The following HLX variants were observed in gnomAD, a reference collection of about 807,000 sequenced individuals.
HLX encodes H2.0-like homeobox protein.
A neutral mutation model predicts 27.7 loss-of-function variants in HLX; 6 were observed. That is an observed-to-expected ratio of 0.22 (90% confidence interval 0.12 to 0.43). The LOEUF (loss-of-function observed/expected upper bound fraction) is 0.43, where lower values mean the gene tolerates loss of function less well. Ranked by LOEUF, HLX falls within the 20% of genes least tolerant of loss-of-function variation. HLX has a pLI of 1.00. For missense variants in HLX, 666 were observed against 655.2 expected (o/e 1.02, Z -0.18); for synonymous variants, 328 against 293.8 (o/e 1.12, Z -1.19).
At position 220,879,820 on chromosome 1, in the gene HLX, G is replaced by C. The variant is rs754595392; in HGVS notation, c.-38G>C. The stretch of plus-strand genomic sequence containing the variant: ...CCCCGCGCGCCCACCCACCCAGTCC[G>C]GCTGGACTGCGGCAGCCGCGCGGCT... On this transcript the variant is annotated 5_prime_UTR_variant, in exon 1 of 4. Coordinates refer to ENST00000366903, the MANE Select transcript of HLX (RefSeq NM_021958.4). 8 of 1,536,796 alleles carry C rather than the reference G, an allele frequency of 5.2e-6. No individual in the cohort carries two copies. The highest frequency in any genetic ancestry group is 1.2e-5 in the South Asian group (1 of 84,418).
Position 220,880,411 on chromosome 1 carries a change from A to G in HLX, c.554A>G (p.Glu185Gly). ...KFGIDRILSAEFDPKVKEGNT... is the reference protein window; with the variant it reads ...KFGIDRILSAGFDPKVKEGNT... ...GGAATTGACCGCATTTTATCTGCAG[A>G]ATTTGACCCAAAAGTCAAAGAAGGC... The change falls in exon 1 of 4, where the codon GAA (glutamate) becomes GGA (glycine). Residue 185 changes from glutamate (E) to glycine (G), a missense_variant. Transcript: ENST00000366903. 3.7e-6 allele frequency: 6 copies of G among 1,614,042 alleles called. No homozygotes were observed. The highest frequency in any genetic ancestry group is 5.1e-6 in the Non-Finnish European group (6 of 1,180,038).
chr1:220,880,513 G>T (rs1224053700), intron 1 of HLX, 64 bp downstream of exon 1: 3 of 1,567,492 alleles, frequency 1.9e-6, no homozygotes, highest in Non-Finnish European at 2.6e-6. Context: ...CCCCGGGCTG[G>T]CTTGGGGTGC....
chr1:220,881,367 T>C lies in HLX; in HGVS notation c.766T>C (p.Phe256Leu), dbSNP rs1674433840. The part of the protein sequence containing the change: ...NSVQHQFQDT[F>L]PGPYAVLTKD... ...AGTTCAGCATCAGTTCCAAGACACGTTTCCAGGTACGGAAAAACTCCAGAG... is the reference window on the plus strand; with the variant it reads ...AGTTCAGCATCAGTTCCAAGACACGCTTCCAGGTACGGAAAAACTCCAGAG... Residue 256 changes from phenylalanine to leucine, a missense_variant, in exon 2 of 4, where the codon TTT becomes CTT. By Grantham distance (22) the Phe-to-Leu change is conservative (BLOSUM62 0). Transcript: ENST00000366903. 1.9e-6 allele frequency: 3 copies of C among 1,613,882 alleles called. No homozygotes were observed. In the South Asian group the frequency reaches 3.3e-5, roughly 18 times the overall value.
intron 2 of HLX, chr1:220,881,812 A>G (rs1674452344): frequency 5.2e-6 from 2 of 387,216 alleles, no homozygotes; most frequent in Admixed American, 3.8e-5. Flanking sequence ...ACACACACAC[A>G]CGAGATAATT....
At position 220,879,487 on chromosome 1, in the gene HLX, T is replaced by G; in HGVS notation, c.-371T>G. The G allele has an allele frequency of 7.8e-6, 2 of 257,542 alleles. No homozygotes were observed. Among genetic ancestry groups the G allele is most frequent in the Non-Finnish European group, 7.4e-6 (1 of 135,206 alleles). 16.0% of individuals were successfully genotyped at this position (257,542 alleles called of 1,614,324 possible). ...AACTAACGGACTATTATTGTTGTTG[T>G]TTTAAATTTAGCTCTTAGGGCTTAG... On this transcript the variant is annotated 5_prime_UTR_variant, in exon 1 of 4. Coordinates refer to ENST00000366903, the MANE Select transcript of HLX (RefSeq NM_021958.4).
chr1:220,884,937 C>T lies in HLX; in HGVS notation c.*233C>T. On this transcript the variant is annotated 3_prime_UTR_variant, in exon 4 of 4. Transcript: ENST00000366903. The surrounding 1 kb of genome is among the most constrained non-coding windows in gnomAD (Gnocchi z 4.9). The stretch of plus-strand genomic sequence containing the variant: ...CCAGCCGAACACTTCTCTCCGGAAG[C>T]AGGCTGGTTCGACTGTGAGGTGTTT... 1.5e-6 allele frequency: 1 copy of T among 655,394 alleles called. No individual in the cohort carries two copies. The highest frequency in any genetic ancestry group is 2.5e-6 in the Non-Finnish European group (1 of 394,252). 40.6% of individuals were successfully genotyped at this position (655,394 alleles called of 1,614,324 possible). A position where few individuals can be genotyped will look rare whatever the true frequency, so the allele number is the denominator to read the frequency against.
intron 3 of HLX, chr1:220,883,091 A>AC (rs1047123790): frequency 6.6e-5 from 9 of 137,364 alleles, no homozygotes; most frequent in African/African-American, 2.5e-4. Context: ...GGGCTTCCCC[A>AC]CCCCCCACCA....
At chr1:220,881,418 ACAGT>A in intron 2 of HLX, 45 bp downstream of exon 2, 1 of 1,535,024 alleles carries the variant, frequency 6.5e-7, no homozygotes, top group African/African-American at 1.4e-5. Context: ...GAGCCGACTA[ACAGT>A]CAGAAATCTC....
intron 1 of HLX, 86 bp from the exon 2 acceptor site, chr1:220,881,108 A>G: frequency 1.6e-6 from 2 of 1,216,498 alleles, no homozygotes; most frequent in Non-Finnish European, 2.4e-6. Context: ...AAGTGAATCC[A>G]GGGCAAGGGG....
At position 220,880,358 on chromosome 1, in the gene HLX, G is replaced by A. The variant is rs1674399819; in HGVS notation, c.501G>A (p.Pro167=). The A allele has an allele frequency of 1.2e-6, 2 of 1,613,852 alleles. No individual in the cohort carries two copies. Among genetic ancestry groups the A allele is most frequent in the African/African-American group, 1.3e-5 (1 of 74,870 alleles). Residue 167 remains proline (P), a synonymous_variant, in exon 1 of 4, where the codon CCG becomes CCA. Transcript: ENST00000366903. ...ACCCCCACCACAGTGGCTCTGCCCC[G>A]GCCCCCTCCAGCAAAGACCTCAAAT... The part of the protein sequence containing the change: ...VPNPHHSGSA[P]APSSKDLKFG...
intron 2 of HLX, 66 bp from the exon 3 acceptor site, chr1:220,882,098 A>G: frequency 6.8e-7 from 1 of 1,466,486 alleles, no homozygotes; most frequent in Non-Finnish European, 9.6e-7. Context: ...CCAGGCTGGC[A>G]GGTCAAGGAC....
At chr1:220,882,528 G>A (rs1674479557) in intron 3 of HLX, 180 bp downstream of exon 3, 2 of 609,556 alleles carry the variant, frequency 3.3e-6, no homozygotes, top group African/African-American at 3.7e-5. Context: ...GGGTGGAGAT[G>A]GGGTGAGGGA....
At chr1:220,881,761 TAAACACACACACACAC>T (rs1350605129) in intron 2 of HLX, 2 of 333,604 alleles carry the variant, frequency 6.0e-6, no homozygotes, top group Non-Finnish European at 1.1e-5. Flanking sequence ...CATGCGGGAA[TAAACACACACACACAC>T]ACACACACAC....
chr1:220,883,836 G>A (rs1674508890), intron 3 of HLX: 1 of 293,106 alleles, frequency 3.4e-6, no homozygotes, highest in South Asian at 4.9e-5. Context: ...ATTCTCATGG[G>A]GGTCCTGGCA....
intron 2 of HLX, chr1:220,881,808 A>G: frequency 2.6e-6 from 1 of 383,664 alleles, no homozygotes. Flanking sequence ...ACACACACAC[A>G]CACACGAGAT....
Position 220,884,527 on chromosome 1 carries a change from C to T in HLX, c.1290C>T (p.Gly430=). The T allele has an allele frequency of 2.5e-6, 4 of 1,611,410 alleles. No individual in the cohort carries two copies. The highest frequency in any genetic ancestry group is 3.4e-6 in the Non-Finnish European group (4 of 1,178,846). Residue 430 remains glycine (G), a synonymous_variant, in exon 4 of 4, where the codon GGC becomes GGT. Coordinates refer to ENST00000366903, the MANE Select transcript of HLX (RefSeq NM_021958.4). The surrounding 1 kb of genome is among the most constrained non-coding windows in gnomAD (Gnocchi z 4.9). ...GGAGTGGTGGGAGCAGCGGCGGCGG[C>T]GGCAATAGTTTCAGCTTCAGCAGCG... ...SAGSGGSSGG[G]GNSFSFSSAS...
chr1:220,881,763 A>AACACACACAC lies in HLX; in HGVS notation c.773-360_773-351dup, dbSNP rs71167242. ...GGGTGCCTGGACACATGCGGGAATA[A>AACACACACAC]ACACACACACACACACACACACACA... is the stretch of plus-strand genomic sequence containing the variant. On this transcript the variant is annotated intron_variant, in intron 2 of 3. Transcript: ENST00000366903. 1,130 of 306,788 alleles carry AACACACACAC rather than the reference A, an allele frequency of 3.7e-3. 7 individuals are homozygous for AACACACACAC. Among genetic ancestry groups the AACACACACAC allele is most frequent in the East Asian group, 0.02 (236 of 12,022 alleles). The allele number at this position is 306,788 out of a possible 1,614,324, so 19.0% of individuals were successfully genotyped here.
In HLX at chr1:220,884,860, T is replaced by C; in HGVS notation, c.*156T>C. 8.0e-7 allele frequency: 1 copy of C among 1,245,672 alleles called. No homozygotes were observed. The highest frequency in any genetic ancestry group is 1.5e-5 in the South Asian group (1 of 67,682). 77.2% of individuals were successfully genotyped at this position (1,245,672 alleles called of 1,614,324 possible). On this transcript the variant is annotated 3_prime_UTR_variant, in exon 4 of 4. Coordinates refer to ENST00000366903, the MANE Select transcript of HLX (RefSeq NM_021958.4). This position sits in a 1 kb window ranked among gnomAD's most constrained non-coding sequence, Gnocchi z 4.9. Reference sequence around the variant, plus strand: ...ACGCTTCGCCCCACGCTGCTCCGACTGGCTGCAGCGGACACTGCCCAAAGC... The same window carrying C: ...ACGCTTCGCCCCACGCTGCTCCGACCGGCTGCAGCGGACACTGCCCAAAGC...
At chr1:220,881,627 T>G (rs747290706) in intron 2 of HLX, 8 of 565,390 alleles carry the variant, frequency 1.4e-5, no homozygotes, top group Admixed American at 3.1e-5. Flanking sequence ...GGGGGCTTTC[T>G]CGAAGTCTTT....
Sources: gnomAD v4.1 joint callset for allele counts on GRCh38, gnomAD v4.1.1 for gene constraint, Gnocchi (gnomAD v3.1) non-coding constraint, MANE v1.5 for transcripts, NCBI Gene and HGNC (gene_info 2026-07-23, HGNC 2026-07-21) for gene names.